The following SHC2 variants were observed in gnomAD, a reference collection of about 807,000 sequenced individuals.
SHC2 encodes SHC adaptor protein 2, also known as SHC-transforming protein 2.
A neutral mutation model predicts 60.6 loss-of-function variants in SHC2; 62 were observed. The observed-to-expected ratio is 1.02, with a 90% CI of 0.83 to 1.26. The LOEUF (loss-of-function observed/expected upper bound fraction) is 1.26, where lower values mean the gene tolerates loss of function less well. Among genes scored for constraint, SHC2 ranks in the 50% most tolerant of loss-of-function variants. The pLI is 0.00. For synonymous variants in SHC2, 375 were observed against 372.4 expected (o/e 1.01, Z -0.08); for missense variants, 873 against 822.2 (o/e 1.06, Z -0.76).
intron 9 of SHC2, among the ~76,000 whole-genome samples, chr19:427,045 G>A (rs1232117458): frequency 1.3e-5 from 2 of 152,240 alleles, no homozygotes; most frequent in African/African-American, 4.8e-5. Context: ...CCGGTCCGGG[G>A]TGAGCAGCCA....
intron 1 of SHC2, among the ~76,000 whole-genome samples, chr19:448,588 G>A (rs1346761677): frequency 6.6e-6 from 1 of 152,134 alleles, no homozygotes; most frequent in African/African-American, 2.4e-5. Context: ...GAGTTTTGGG[G>A]AACACCGTTC....
At position 436,245 on chromosome 19, in the gene SHC2, G is replaced by C. The variant is rs199816845; in HGVS notation, c.873C>G (p.Ile291Met). 106 of 1,598,268 alleles carry C rather than the reference G, an allele frequency of 6.6e-5. No homozygotes were observed. The highest frequency in any genetic ancestry group is 8.6e-5 in the Non-Finnish European group (101 of 1,173,162). The change falls in exon 7 of 13, where the codon ATC becomes ATG. Residue 291 changes from isoleucine (I) to methionine (M), a missense_variant. By Grantham distance (10) the Ile-to-Met change is conservative. Transcript: ENST00000264554. ...GCTCGAAAGCTTGGCCCACGGTGCT[G>C]ATGATGCTCTGTGCCAGGCCCTCAC... ...ECCEGLAQSI[I>M]STVGQAFELR... is the part of the protein sequence containing the mutation.
intron 9 of SHC2, among the ~76,000 whole-genome samples, chr19:428,171 G>C (rs949226789): frequency 6.6e-6 from 1 of 152,194 alleles, no homozygotes; most frequent in Non-Finnish European, 1.5e-5. Flanking sequence ...GCTTCCGTGA[G>C]CCATGATCAC....
At chr19:449,857 G>C (rs907368785) in intron 1 of SHC2, among the ~76,000 whole-genome samples, 1 of 152,238 alleles carries the variant, frequency 6.6e-6, no homozygotes, top group African/African-American at 2.4e-5. Flanking sequence ...GGAACTCTTT[G>C]TACTAGTCTT....
At chr19:423,204 A>G (rs112679509) in intron 10 of SHC2, among the ~76,000 whole-genome samples, 3,361 of 12,264 alleles carry the variant, frequency 0.27, 466 homozygotes, top group South Asian at 0.45. Context: ...CCTGACCCTC[A>G]CTCCCTGGTC....
chr19:431,125 C>A (rs895804302), intron 8 of SHC2, among the ~76,000 whole-genome samples: 2 of 152,262 alleles, frequency 1.3e-5, no homozygotes, highest in Non-Finnish European at 2.9e-5. Flanking sequence ...GAGTGTATGT[C>A]CCCATGGACA....
chr19:457,153 CACATCAG>C (rs1975365204), intron 1 of SHC2, among the ~76,000 whole-genome samples: 1 of 124,884 alleles, frequency 8.0e-6, no homozygotes, highest in African/African-American at 3.3e-5. Context: ...CAAACCCCAC[CACATCAG>C]GCCTTTGCAC....
chr19:421,397 CAAAAAAA>C (rs10582067), intron 11 of SHC2, among the ~76,000 whole-genome samples: 1 of 120,132 alleles, frequency 8.3e-6, no homozygotes, highest in Non-Finnish European at 1.7e-5. Flanking sequence ...GAGACTCCAT[CAAAAAAA>C]AAAAAAAAAA....
Position 434,852 on chromosome 19 carries a change from C to G in SHC2, c.967G>C (p.Glu323Gln). The change falls in exon 8 of 13, where the codon GAG (glutamate) becomes CAG (glutamine). Residue 323 changes from glutamate to glutamine, a missense_variant. By Grantham distance (29) the Glu-to-Gln change is conservative. Coordinates refer to ENST00000264554, the MANE Select transcript of SHC2 (RefSeq NM_012435.3). ...TCCTCGTCCCCCCAGGCCGACTCCTCCGGCCCTGCCAGCCTGGGGGACAGA... is the reference window on the plus strand; with the variant it reads ...TCCTCGTCCCCCCAGGCCGACTCCTGCGGCCCTGCCAGCCTGGGGGACAGA... ...ALPPERLAGPEESAWGDEEDS... is the reference protein window; with the variant it reads ...ALPPERLAGPQESAWGDEEDS... 6.2e-7 allele frequency: 1 copy of G among 1,610,876 alleles called. No homozygotes were observed. The highest frequency in any genetic ancestry group is 8.5e-7 in the Non-Finnish European group (1 of 1,179,600).
rs1600298575 is a variant in SHC2, at chr19:438,133, A to G, written c.720+585T>C. Among the ~76,000 whole-genome samples, 1 of 151,924 alleles carries G rather than the reference A, an allele frequency of 6.6e-6. No individual in the cohort carries two copies. Among genetic ancestry groups the G allele is most frequent in the South Asian group, 2.1e-4 (1 of 4,814 alleles). ...CAAGTAGCTGGGATTACAGGCGCCC[A>G]CCACCACACCCGGCTAATCTTTGTA... On this transcript the variant is annotated intron_variant, in intron 4 of 12. Transcript: ENST00000264554. This position sits in a 1 kb window ranked among gnomAD's most constrained non-coding sequence, Gnocchi z 5.0.
chr19:427,239 C>T (rs1338398582), intron 9 of SHC2, among the ~76,000 whole-genome samples: 2 of 152,222 alleles, frequency 1.3e-5, no homozygotes, highest in Non-Finnish European at 2.9e-5. Context: ...AACAGGCAGC[C>T]GCAGGCGGGG....
Position 455,793 on chromosome 19 carries a change from C to T in SHC2, c.468+4736G>A, listed in dbSNP as rs1975328490. 2.6e-5 allele frequency among the ~76,000 whole-genome samples: 4 copies of T among 152,244 alleles called. No homozygotes were observed. In the South Asian group the frequency reaches 8.3e-4, roughly 32 times the overall value. On this transcript the variant is annotated intron_variant, in intron 1 of 12. Transcript: ENST00000264554. ...ATCCCTTGGCTGGGGGCCCCTTCCT[C>T]CCGGTTAGCAGCCACAGCGCAGCCT...
chr19:428,857 C>T (rs559702807), intron 9 of SHC2, among the ~76,000 whole-genome samples: 2 of 152,078 alleles, frequency 1.3e-5, no homozygotes, highest in East Asian at 3.9e-4. Context: ...GTACCTATAC[C>T]CAACATGCAC....
intron 1 of SHC2, among the ~76,000 whole-genome samples, chr19:458,736 C>CG (rs1468741032): frequency 0.038 from 3,654 of 96,044 alleles, 50 homozygotes; most frequent in Non-Finnish European, 0.055. Flanking sequence ...AAGTGGGTTC[C>CG]GGGGAGGCGG....
intron 12 of SHC2, among the ~76,000 whole-genome samples, 199 bp from the exon 13 acceptor site, chr19:417,521 G>A (rs562869322): frequency 3.3e-5 from 5 of 152,352 alleles, no homozygotes; most frequent in Non-Finnish European, 7.3e-5. Context: ...CTAGGGCAGT[G>A]CCCTAACCTC....
rs1326462832 is a variant in SHC2 at position 429,128 on chromosome 19, T to C, written c.1174+1556A>G. On this transcript the variant is annotated intron_variant, in intron 9 of 12. Coordinates refer to ENST00000264554, the MANE Select transcript of SHC2 (RefSeq NM_012435.3). ...CCCAACGTGCACGGAAACCTAACAC[T>C]GTGTGGATGATGCAGTACCTATATC... 7.5e-3 allele frequency among the ~76,000 whole-genome samples: 913 copies of C among 122,242 alleles called. 8 individuals carry two copies. The highest frequency in any genetic ancestry group is 0.026 in the Admixed American group (301 of 11,620). The allele number at this position is 122,242 out of a possible 152,430, so 80.2% of individuals were successfully genotyped here. A position where few individuals can be genotyped will look rare whatever the true frequency, so the allele number is the denominator to read the frequency against.
chr19:422,778 A>C lies in SHC2; in HGVS notation c.1310-322T>G, dbSNP rs1974314613. On this transcript the variant is annotated intron_variant, in intron 10 of 12. Coordinates refer to ENST00000264554, the MANE Select transcript of SHC2 (RefSeq NM_012435.3). This position sits in a 1 kb window ranked among gnomAD's most constrained non-coding sequence, Gnocchi z 5.0. ...CTTGTCAGGTGGGCTTCCTTCCCAA[A>C]GCGTACGCCTCTCGTTTCCTTGTCT... 3.9e-6 allele frequency: 1 copy of C among 259,562 alleles called. No homozygotes were observed. The highest frequency in any genetic ancestry group is 7.3e-6 in the Non-Finnish European group (1 of 137,164). 16.1% of individuals were successfully genotyped at this position (259,562 alleles called of 1,614,324 possible). A position where few individuals can be genotyped will look rare whatever the true frequency, so the allele number is the denominator to read the frequency against.
chr19:422,251 C>G lies in SHC2; in HGVS notation c.1515G>C (p.Gly505=). 6.2e-7 allele frequency: 1 copy of G among 1,612,450 alleles called. No individual in the cohort carries two copies. The highest frequency in any genetic ancestry group is 1.3e-5 in the African/African-American group (1 of 75,032). ...RAAERMLRAD[G]DFLVRDSVTN... ...TGACGCTGTCTCGCACAAGGAAGTC[C>G]CCGTCAGCTCGAAGCATCCTCTCTG... The change falls in exon 11 of 13, where the codon GGG becomes GGC. Residue 505 remains glycine, a synonymous_variant. Transcript: ENST00000264554. The surrounding 1 kb of genome is among the most constrained non-coding windows in gnomAD (Gnocchi z 5.0).
chr19:438,259 G>A lies in SHC2; in HGVS notation c.720+459C>T, dbSNP rs150498924. 0.016 allele frequency among the ~76,000 whole-genome samples: 2,509 copies of A among 152,320 alleles called. 63 individuals are homozygous for A. Among genetic ancestry groups the A allele is most frequent in the East Asian group, 0.097 (500 of 5,174 alleles). On this transcript the variant is annotated intron_variant, in intron 4 of 12. Transcript: ENST00000264554. This position sits in a 1 kb window ranked among gnomAD's most constrained non-coding sequence, Gnocchi z 5.0. ...CTCCCAAAGTGCTGGGGTTACAGGC[G>A]TGAGCCACTGAGCCCGGCCTCACAG...
Sources: allele counts gnomAD v4.1 joint callset (sites outside exome capture counted in the v4.1 genomes callset), GRCh38; gene constraint gnomAD v4.1.1; non-coding constraint Gnocchi (gnomAD v3.1); transcripts MANE v1.5; gene names NCBI Gene and HGNC (gene_info 2026-07-23, HGNC 2026-07-21).